MYH11: variants seen among roughly 807,000 people sequenced by gnomAD.
MYH11 encodes the protein myosin-11.
In MYH11, 80 loss-of-function variants were observed where a neutral mutation model predicts 246.6. The ratio of observed to expected loss-of-function variants is 0.32; its 90% CI spans 0.27 to 0.39. The LOEUF (loss-of-function observed/expected upper bound fraction) is 0.39, where lower values mean the gene tolerates loss of function less well. Ranked by LOEUF, MYH11 falls within the 10% of genes least tolerant of loss-of-function variation. The probability of loss-of-function intolerance (pLI) is 1.00; values close to 1 mark genes in which losing one functional copy is unlikely to be tolerated. For missense variants in MYH11, 2,158 were observed against 2,546.8 expected (o/e 0.85, Z 3.29); for synonymous variants, 1,071 against 1,015.5 (o/e 1.05, Z -1.04).
chr16:15,722,985 C>T (rs1038651283), intron 31 of MYH11, among the ~76,000 whole-genome samples: 1 of 152,104 alleles, frequency 6.6e-6, no homozygotes, highest in Non-Finnish European at 1.5e-5. Context: ...CTCAAGTGAT[C>T]CACCTGCCTC....
chr16:15,793,787 T>C (rs2042675777), intron 4 of MYH11, among the ~76,000 whole-genome samples: 1 of 145,768 alleles, frequency 6.9e-6, no homozygotes, highest in Non-Finnish European at 1.5e-5. Flanking sequence ...GCCCGGCTAA[T>C]TTTTTTGTAT....
At chr16:15,711,342 GTC>G (rs2039782321) in intron 40 of MYH11, 3 of 152,298 alleles carry the variant, frequency 2.0e-5, no homozygotes, top group Non-Finnish European at 4.4e-5. Flanking sequence ...GTCAGAGAGA[GTC>G]TATTTGGTGC....
intron 40 of MYH11, chr16:15,708,771 AAC>A (rs779515749): frequency 5.0e-6 from 8 of 1,596,710 alleles, no homozygotes; most frequent in Admixed American, 1.8e-5. Context: ...ATACTGAGAC[AAC>A]ACACAGCTGC....
At chr16:15,717,049 C>T (rs2040190544) in intron 38 of MYH11, 91 bp downstream of exon 38, 4 of 1,366,672 alleles carry the variant, frequency 2.9e-6, no homozygotes, top group South Asian at 1.2e-5. Flanking sequence ...CAAGCCAGAA[C>T]TGATGCTGGA....
chr16:15,791,427 C>T (rs552477463), intron 4 of MYH11: 1 of 152,234 alleles, frequency 6.6e-6, no homozygotes, highest in South Asian at 2.1e-4. Context: ...TGGCAAAGCA[C>T]CCTGGCATTT....
At chr16:15,826,409 G>A (rs979158308) in intron 2 of MYH11, among the ~76,000 whole-genome samples, 6 of 151,994 alleles carry the variant, frequency 3.9e-5, no homozygotes, top group Non-Finnish European at 8.8e-5. Flanking sequence ...GCAGCACAGT[G>A]AGACCCCCAT....
chr16:15,745,183 G>A lies in MYH11; in HGVS notation c.2466C>T (p.Asn822=). 6.2e-7 allele frequency: 1 copy of A among 1,614,128 alleles called. No individual in the cohort carries two copies. The highest frequency in any genetic ancestry group is 1.7e-5 in the Admixed American group (1 of 60,024). Residue 822 remains asparagine, a synonymous_variant, in exon 20 of 41, where the codon AAC becomes AAT. Transcript: ENST00000300036. ...QLTAMKVIQR[N]CAAYLKLRNW... ...TCCGCAGCTTGAGGTAGGCGGCGCA[G>A]TTCCTCTGAATCACCTTCATGGCGG...
intron 8 of MYH11, among the ~76,000 whole-genome samples, chr16:15,772,161 G>A (rs1034751672): frequency 1.5e-5 from 2 of 136,626 alleles, no homozygotes; most frequent in African/African-American, 5.4e-5. Flanking sequence ...GCGCGATCTC[G>A]GCTCACTGCA....
At position 15,718,144 on chromosome 16, in the gene MYH11, C is replaced by T. The variant is rs891833445; in HGVS notation, c.5295+171G>A. The T allele has an allele frequency of 1.3e-5, 13 of 1,016,788 alleles. 1 individual carries two copies. The highest frequency in any genetic ancestry group is 8.2e-5 in the Admixed American group (4 of 48,728). 63.0% of individuals were successfully genotyped at this position (1,016,788 alleles called of 1,614,324 possible). On this transcript the variant is annotated intron_variant, in intron 37 of 40. Transcript: ENST00000300036. ...AGAGGAGTATTCTGAAGACAGCAGC[C>T]TGGGCACTGGTGTAAGGGCCCTGGA...
At position 15,712,115 on chromosome 16, in the gene MYH11, A is replaced by G. The variant is rs1209500976; in HGVS notation, c.5786+2794T>C. Among the ~76,000 whole-genome samples, 6 of 152,222 alleles carry G rather than the reference A, an allele frequency of 3.9e-5. No homozygotes were observed. The East Asian group carries it at 1.2e-3, about 29-fold the overall frequency. On this transcript the variant is annotated intron_variant, in intron 40 of 40. Transcript: ENST00000300036. ...GATGTGAATTGTTGGCAACTTCATC[A>G]TTTTAGCTGCTGAGCTGGAGAGAGG...
In MYH11 at chr16:15,720,893, A is replaced by T; in HGVS notation, c.4737T>A (p.Asp1579Glu). Residue 1579 changes from aspartate to glutamate, a missense_variant, in exon 33 of 41, where the codon GAT (aspartate) becomes GAA (glutamate). By Grantham distance (45) the Asp-to-Glu change is conservative. Around this residue, in one of 11 missense-constraint regions of MYH11, gnomAD observed 1,013 missense variants for 993.5 expected, o/e 1.02. Coordinates refer to ENST00000300036, the MANE Select transcript of MYH11 (RefSeq NM_002474.3). The part of the protein sequence containing the change: ...MQALKGQFER[D>E]LQARDEQNEE... ...CATTCTGCTCGTCCCGGGCTTGGAG[A>T]TCCCTTTCGAACTGGCCCTTGAGCG... 6.2e-7 allele frequency: 1 copy of T among 1,613,726 alleles called. No individual in the cohort carries two copies. Among genetic ancestry groups the T allele is most frequent in the Non-Finnish European group, 8.5e-7 (1 of 1,179,948 alleles).
intron 40 of MYH11, among the ~76,000 whole-genome samples, chr16:15,707,372 C>T (rs930653835): frequency 3.3e-5 from 5 of 152,100 alleles, no homozygotes; most frequent in African/African-American, 1.2e-4. Flanking sequence ...TCCAAGGCCT[C>T]GGGAATCATC....
intron 14 of MYH11, among the ~76,000 whole-genome samples, chr16:15,754,376 G>A (rs1383624468): frequency 6.6e-6 from 1 of 152,098 alleles, no homozygotes; most frequent in African/African-American, 2.4e-5. Flanking sequence ...GCCCAAAGCC[G>A]TAATTTTTAC....
rs568440870 is a variant in MYH11 at position 15,737,815 on chromosome 16, G to C, written c.3122-195C>G. Among the ~76,000 whole-genome samples the C allele has an allele frequency of 1.4e-4, 22 of 152,204 alleles. No homozygotes were observed. The South Asian group carries it at 3.5e-3, about 24-fold the overall frequency. ...TCATAATATTATTATTAGTTGAGAT[G>C]GAGTTTTGCTCTTGTTGCCCAGGCT... On this transcript the variant is annotated intron_variant, in intron 24 of 40. Transcript: ENST00000300036.
Position 15,748,148 on chromosome 16 carries a change from G to A in MYH11, c.2079C>T (p.Phe693=), listed in dbSNP as rs34287137. 0.012 allele frequency: 18,665 copies of A among 1,613,896 alleles called. 1,650 individuals are homozygous for A. In the African/African-American group the frequency reaches 0.21, roughly 18 times the overall value. The stretch of plus-strand genomic sequence containing the variant: ...TGCACCGCAGCTGCTCCAGCACCAG[G>A]AACGCATCCAGCTTGCCGGACTGCA... ...HEKRSGKLDA[F]LVLEQLRCNG... Residue 693 remains phenylalanine, a synonymous_variant, in exon 17 of 41, where the codon TTC becomes TTT. Coordinates refer to ENST00000300036, the MANE Select transcript of MYH11 (RefSeq NM_002474.3).
intron 36 of MYH11, chr16:15,718,796 C>CCAATCT (rs1410502873): frequency 1.2e-5 from 5 of 424,610 alleles, no homozygotes; most frequent in African/African-American, 1.0e-4. Flanking sequence ...GGGTCTGTCC[C>CCAATCT]CAATCTCAGA....
chr16:15,787,901 T>G (rs2042509320), intron 4 of MYH11, among the ~76,000 whole-genome samples: 1 of 151,922 alleles, frequency 6.6e-6, no homozygotes, highest in African/African-American at 2.4e-5. Flanking sequence ...CCCTTTATCC[T>G]CTGAGGAATC....
Position 15,740,067 on chromosome 16 carries a change from T to A in MYH11, c.2981A>T (p.Asn994Ile), listed in dbSNP as rs1219173895. The change falls in exon 23 of 41, where the codon AAC becomes ATC. Residue 994 changes from asparagine to isoleucine, a missense_variant. Physicochemically the swap from Asn to Ile is moderately radical, Grantham distance 149. Around this residue, in one of 11 missense-constraint regions of MYH11, gnomAD observed 284 missense variants for 315.4 expected, o/e 0.90. Transcript: ENST00000300036. Reference protein sequence around the residue: ...EDEILVMDDQNNKLSKERKLL... With the variant: ...EDEILVMDDQINKLSKERKLL... ...CCTACTCACTTTTGATAGTTTATTG[T>A]TCTGATCATCCATGACCAGGATCTC... 2.5e-6 allele frequency: 4 copies of A among 1,614,222 alleles called. No individual in the cohort carries two copies. The highest frequency in any genetic ancestry group is 3.4e-6 in the Non-Finnish European group (4 of 1,180,038).
chr16:15,725,476 A>G (rs1304390759), intron 28 of MYH11: 1 of 425,590 alleles, frequency 2.3e-6, no homozygotes, highest in Admixed American at 3.9e-5. Flanking sequence ...TGATGGCCAA[A>G]GCCAGAGACG....
Sources: gnomAD v4.1 joint callset for allele counts (sites outside exome capture counted in the v4.1 genomes callset) on GRCh38, gnomAD v4.1.1 for gene constraint, gnomAD v4.1.1 regional missense constraint, MANE v1.5 for transcripts, NCBI Gene and HGNC (gene_info 2026-07-23, HGNC 2026-07-21) for gene names.